The following ITIH5 variants were observed in gnomAD, a reference collection of about 807,000 sequenced individuals.
ITIH5 encodes inter-alpha-trypsin inhibitor heavy chain H5.
ITIH5 carries 65 observed loss-of-function variants against 77.5 expected under a neutral mutation model. That is an observed-to-expected ratio of 0.84 (90% CI 0.69 to 1.03). The LOEUF is 1.03. Ranked by LOEUF, ITIH5 falls within the 50% of genes least tolerant of loss-of-function variation. ITIH5 has a pLI of 0.00. For synonymous variants in ITIH5, 525 were observed against 494.3 expected, an observed-to-expected ratio of 1.06 and a Z score of -0.82; for missense variants, 1,208 against 1,213.1, an observed-to-expected ratio of 1.00 and a Z score of 0.06.
intron 2 of ITIH5, among the ~76,000 whole-genome samples, chr10:7,646,182 A>T (rs1482815502): frequency 6.6e-6 from 1 of 152,240 alleles, no homozygotes; most frequent in Admixed American, 6.5e-5. Context: ...GATGCATGGG[A>T]AAGTAAATAG....
At position 7,561,444 on chromosome 10, in the gene ITIH5, A is replaced by G. The variant is rs1832038120; in HGVS notation, c.*1639T>C. On this transcript the variant is annotated 3_prime_UTR_variant, in exon 14 of 14. Transcript: ENST00000397146. ...GCCGCTCCCTTTCTCTGAGCTCTAC[A>G]GTCTGAAAGCATCTGTCAGCAGCAC... The G allele has an allele frequency of 6.6e-6, 1 of 152,256 alleles. No homozygotes were observed. The highest frequency in any genetic ancestry group is 2.4e-5 in the African/African-American group (1 of 41,454). The allele number at this position is 152,256 out of a possible 1,614,324, so 9.4% of individuals were successfully genotyped here. A position where few individuals can be genotyped will look rare whatever the true frequency, so the allele number is the denominator to read the frequency against.
In ITIH5 at chr10:7,665,724, T is replaced by C. The variant is rs144280467; in HGVS notation, c.90+1079A>G. On this transcript the variant is annotated intron_variant, in intron 1 of 13. Transcript: ENST00000397146. The stretch of plus-strand genomic sequence containing the variant: ...CTGACCAACGAGGACATGAAGGCTC[T>C]GAGAGATTAAAGGGCTTGCCCGGAA... Among the ~76,000 whole-genome samples the C allele has an allele frequency of 1.1e-3, 166 of 152,330 alleles. 2 individuals are homozygous for C. Among genetic ancestry groups the C allele is most frequent in the African/African-American group, 3.9e-3 (164 of 41,582 alleles).
chr10:7,565,893 T>A, intron 13 of ITIH5, 137 bp downstream of exon 13: 1 of 1,111,382 alleles, frequency 9.0e-7, no homozygotes, highest in Non-Finnish European at 1.3e-6. Flanking sequence ...TACATACATA[T>A]GCGGACTGTA....
chr10:7,657,069 G>A (rs1237946833), intron 1 of ITIH5, among the ~76,000 whole-genome samples: 1 of 101,130 alleles, frequency 9.9e-6, no homozygotes, highest in Non-Finnish European at 2.0e-5. Context: ...TTTTTAGACG[G>A]AGTCTTGTTC....
At chr10:7,586,662 C>A (rs981154785) in intron 7 of ITIH5, among the ~76,000 whole-genome samples, 9 of 152,032 alleles carry the variant, frequency 5.9e-5, no homozygotes, top group African/African-American at 1.7e-4. Context: ...GCAGGTGAAT[C>A]AATGAATGAA....
chr10:7,572,530 C>T, intron 11 of ITIH5: 1 of 1,198,388 alleles, frequency 8.3e-7, no homozygotes, highest in African/African-American at 1.6e-5. Context: ...CAAATGTCTT[C>T]TAAACTCAAT....
chr10:7,608,390 C>T (rs1833175017), intron 7 of ITIH5, among the ~76,000 whole-genome samples: 1 of 152,222 alleles, frequency 6.6e-6, no homozygotes, highest in South Asian at 2.1e-4. Context: ...AGCCATCCTC[C>T]TACCTCAGCC....
rs779597051 is a variant in ITIH5 at position 7,563,272 on chromosome 10, T to C, written c.2640A>G (p.Thr880=). The C allele has an allele frequency of 4.3e-6, 7 of 1,614,224 alleles. No individual in the cohort carries two copies. The highest frequency in any genetic ancestry group is 2.2e-5 in the South Asian group (2 of 91,088). ...QVGEGPEAVL[T]VKGHQVPVVW... is the part of the protein sequence containing the mutation. The stretch of plus-strand genomic sequence containing the variant: ...CCACTGGGACTTGGTGGCCTTTCAC[T>C]GTTAGGACGGCCTCAGGCCCCTCTC... Residue 880 remains threonine, a synonymous_variant, in exon 14 of 14, where the codon ACA becomes ACG. Coordinates refer to ENST00000397146, the MANE Select transcript of ITIH5 (RefSeq NM_030569.7).
At chr10:7,581,748 G>A (rs1832559605) in intron 8 of ITIH5, among the ~76,000 whole-genome samples, 1 of 82,624 alleles carries the variant, frequency 1.2e-5, no homozygotes. Flanking sequence ...TTTTTTTAGA[G>A]ACAGGGTCTC....
chr10:7,656,854 C>T (rs1378374362), intron 1 of ITIH5, among the ~76,000 whole-genome samples: 3 of 150,626 alleles, frequency 2.0e-5, no homozygotes, highest in Non-Finnish European at 4.4e-5. Context: ...AGCGATTCTC[C>T]TGCCTCAGCC....
chr10:7,584,784 T>C (rs1392878092), intron 8 of ITIH5, among the ~76,000 whole-genome samples: 3 of 152,224 alleles, frequency 2.0e-5, no homozygotes, highest in African/African-American at 7.2e-5. Flanking sequence ...AAGAGAAATC[T>C]GTTCCTTCAA....
chr10:7,585,201 T>C (rs1389718687), intron 8 of ITIH5, among the ~76,000 whole-genome samples: 1 of 152,238 alleles, frequency 6.6e-6, no homozygotes, highest in African/African-American at 2.4e-5. Context: ...CTGTGTCCAC[T>C]GTACTGTTGA....
At chr10:7,610,005 C>CA (rs1300011307) in intron 7 of ITIH5, among the ~76,000 whole-genome samples, 5 of 149,736 alleles carry the variant, frequency 3.3e-5, no homozygotes, top group East Asian at 1.9e-4. Flanking sequence ...CAACTAACAA[C>CA]AAAAAAAAGA....
At chr10:7,567,317 C>CTTT (rs1382005577) in intron 12 of ITIH5, among the ~76,000 whole-genome samples, 26 of 66,450 alleles carry the variant, frequency 3.9e-4, no homozygotes, top group African/African-American at 1.3e-3. Flanking sequence ...ATTCGGACAT[C>CTTT]TTTTATTATT....
At chr10:7,583,903 G>A (rs1232166324) in intron 8 of ITIH5, among the ~76,000 whole-genome samples, 3 of 152,164 alleles carry the variant, frequency 2.0e-5, no homozygotes, top group Admixed American at 2.0e-4. Context: ...GTCATCAAAG[G>A]ACTCACAAGC....
intron 2 of ITIH5, among the ~76,000 whole-genome samples, chr10:7,648,518 T>C (rs1263794035): frequency 6.6e-6 from 1 of 152,236 alleles, no homozygotes; most frequent in Non-Finnish European, 1.5e-5. Flanking sequence ...TGTAATTCTT[T>C]TACATAAAAG....
chr10:7,594,541 A>G (rs998797192), intron 7 of ITIH5, among the ~76,000 whole-genome samples: 1 of 152,204 alleles, frequency 6.6e-6, no homozygotes, highest in East Asian at 1.9e-4. Context: ...TAAAACAGGC[A>G]TATAAAATGT....
chr10:7,587,543 C>T (rs936493996), intron 7 of ITIH5, among the ~76,000 whole-genome samples: 2 of 152,226 alleles, frequency 1.3e-5, no homozygotes, highest in African/African-American at 4.8e-5. Context: ...AGTAAGCTCC[C>T]TCACTTACTC....
chr10:7,563,337 G>A lies in ITIH5; in HGVS notation c.2575C>T (p.Pro859Ser), dbSNP rs1472671509. 7 of 1,614,036 alleles carry A rather than the reference G, an allele frequency of 4.3e-6. No individual in the cohort carries two copies. Among genetic ancestry groups the A allele is most frequent in the Non-Finnish European group, 5.1e-6 (6 of 1,180,018 alleles). ...AGAGGGTGAGTGAGGTTCTGGCTGG[G>A]CCCTGCAGGGTCTTCTGTGAGTCTG... ...DARLTEDPAG[P>S]SQNLTHPLLL... Residue 859 changes from proline (P) to serine (S), a missense_variant, in exon 14 of 14, where the codon CCC (proline) becomes TCC (serine). Coordinates refer to ENST00000397146, the MANE Select transcript of ITIH5 (RefSeq NM_030569.7).
Sources: allele counts gnomAD v4.1 joint callset (sites outside exome capture counted in the v4.1 genomes callset), GRCh38; gene constraint gnomAD v4.1.1; transcripts MANE v1.5; gene names NCBI Gene and HGNC (gene_info 2026-07-23, HGNC 2026-07-21).